ATP2C1: variants seen among roughly 807,000 people sequenced by gnomAD.
ATP2C1 encodes the protein ATPase secretory pathway Ca2+ transporting 1.
Under a neutral mutation model 120.5 loss-of-function variants are expected in ATP2C1, and 31 were observed. The ratio of observed to expected loss-of-function variants is 0.26; its 90% CI spans 0.19 to 0.35. The LOEUF (loss-of-function observed/expected upper bound fraction) is 0.35, where lower values mean the gene tolerates loss of function less well. Among genes scored for constraint, ATP2C1 ranks in the 10% least tolerant of loss-of-function variants. ATP2C1 has a pLI of 1.00. For missense variants in ATP2C1, 731 were observed against 1,107.5 expected, an observed-to-expected ratio of 0.66 and a Z score of 4.83; for synonymous variants, 351 against 358.7, an observed-to-expected ratio of 0.98 and a Z score of 0.24.
rs534911074 is a variant in ATP2C1, at chr3:130,879,988, T to C, written c.108+29060T>C. 7.2e-5 allele frequency among the ~76,000 whole-genome samples: 11 copies of C among 152,306 alleles called. No homozygotes were observed. The South Asian group carries it at 2.3e-3, about 32-fold the overall frequency. On this transcript the variant is annotated intron_variant, in intron 1 of 26. Coordinates refer to the ATP2C1 transcript ENST00000504381. ...TGGCAGAAGTGATAGTGAACCCTCA[T>C]GTGGTCTGGTCCTTTAACCCCTATT...
At chr3:130,962,665 T>C (rs2060871165) in intron 12 of ATP2C1, among the ~76,000 whole-genome samples, 1 of 148,598 alleles carries the variant, frequency 6.7e-6, no homozygotes, top group African/African-American at 2.5e-5. Context: ...AAAAGATTCG[T>C]TGTATCTAGA....
chr3:130,948,878 T>A (rs2060255901), intron 8 of ATP2C1, among the ~76,000 whole-genome samples: 1 of 152,162 alleles, frequency 6.6e-6, no homozygotes, highest in Non-Finnish European at 1.5e-5. Context: ...TCAGTGATCT[T>A]TGCTGTTACT....
intron 7 of ATP2C1, among the ~76,000 whole-genome samples, chr3:130,940,935 G>A (rs1281561873): frequency 1.2e-4 from 6 of 49,484 alleles, no homozygotes; most frequent in Admixed American, 2.2e-4. Context: ...TTTTTTTTTA[G>A]ATGGAGTCTG....
At chr3:130,961,126 T>C (rs1167733107) in intron 12 of ATP2C1, among the ~76,000 whole-genome samples, 2 of 151,952 alleles carry the variant, frequency 1.3e-5, no homozygotes, top group Non-Finnish European at 2.9e-5. Context: ...AAACTCTTGG[T>C]TTAAATTTGT....
chr3:130,964,096 G>C lies in ATP2C1; in HGVS notation c.1024+1G>C. The C allele has an allele frequency of 6.2e-7, 1 of 1,611,806 alleles. No individual in the cohort carries two copies. Among genetic ancestry groups the C allele is most frequent in the Non-Finnish European group, 8.5e-7 (1 of 1,178,262 alleles). Reference sequence around the variant, plus strand: ...AAGCTGCCTATTGTTGAAACTCTGGGTAAGTCTGTGTTAAGAGCATTCTTA... The same window carrying C: ...AAGCTGCCTATTGTTGAAACTCTGGCTAAGTCTGTGTTAAGAGCATTCTTA... On this transcript the variant is annotated splice_donor_variant, in intron 13 of 27. Coordinates refer to ENST00000510168, the MANE Select transcript of ATP2C1 (RefSeq NM_001378687.1). LOFTEE classifies it high-confidence loss of function.
rs530091784 is a variant in ATP2C1 at position 130,921,633 on chromosome 3, G to T, written c.7-8783G>T. ...TTATGTTACTTTCTTTTTATTCCTT[G>T]TTTGTAGAGAGTTTTTATAATGAAA... On this transcript the variant is annotated intron_variant, in intron 2 of 27. Transcript: ENST00000510168. 3.9e-5 allele frequency among the ~76,000 whole-genome samples: 6 copies of T among 152,110 alleles called. No individual in the cohort carries two copies. In the South Asian group the frequency reaches 1.0e-3, roughly 26 times the overall value.
At chr3:130,968,162 A>G (rs1187742856) in intron 16 of ATP2C1, among the ~76,000 whole-genome samples, 1 of 152,240 alleles carries the variant, frequency 6.6e-6, no homozygotes, top group Admixed American at 6.5e-5. Flanking sequence ...TAGTTTTAGA[A>G]TATATAGTTT....
intron 8 of ATP2C1, among the ~76,000 whole-genome samples, chr3:130,948,039 C>A (rs2060221153): frequency 6.6e-6 from 1 of 152,108 alleles, no homozygotes; most frequent in Non-Finnish European, 1.5e-5. Context: ...GATTTATAAG[C>A]ATTTTATGCA....
rs1487496066 is a variant in ATP2C1, at chr3:130,996,634, C to T, written c.2127-46C>T. 3.2e-6 allele frequency: 4 copies of T among 1,254,690 alleles called. No homozygotes were observed. The African/African-American group carries it at 4.4e-5, about 14-fold the overall frequency. The allele number at this position is 1,254,690 out of a possible 1,614,324, so 77.7% of individuals were successfully genotyped here. A position where few individuals can be genotyped will look rare whatever the true frequency, so the allele number is the denominator to read the frequency against. On this transcript the variant is annotated intron_variant, in intron 23 of 27. Coordinates refer to ENST00000510168, the MANE Select transcript of ATP2C1 (RefSeq NM_001378687.1). Reference sequence around the variant, plus strand: ...TAAAAAAGTGGTATCATAGAATCAACAGATTTACTCTACTGATATTTTTAA... The same window carrying T: ...TAAAAAAGTGGTATCATAGAATCAATAGATTTACTCTACTGATATTTTTAA...
chr3:130,891,841 T>C (rs780900567), upstream of ATP2C1, among the ~76,000 whole-genome samples: 47 of 152,190 alleles, frequency 3.1e-4, no homozygotes, highest in Non-Finnish European at 6.6e-4. Context: ...GTGTATGACA[T>C]ATATATGTAT....
At chr3:130,859,101 A>G (rs1033361657) in intron 1 of ATP2C1, among the ~76,000 whole-genome samples, 2 of 152,210 alleles carry the variant, frequency 1.3e-5, no homozygotes, top group African/African-American at 4.8e-5. Flanking sequence ...CAGCTCTGAT[A>G]TTCTAGTATA....
At chr3:130,859,749 T>C (rs746507227) in intron 1 of ATP2C1, among the ~76,000 whole-genome samples, 1 of 152,280 alleles carries the variant, frequency 6.6e-6, no homozygotes, top group Non-Finnish European at 1.5e-5. Context: ...TCATTTACTT[T>C]AAAATTTTTC....
intron 1 of ATP2C1, among the ~76,000 whole-genome samples, chr3:130,875,971 T>G (rs1043742962): frequency 7.2e-5 from 11 of 152,072 alleles, no homozygotes; most frequent in African/African-American, 2.7e-4. Flanking sequence ...TATTTGAGTT[T>G]TTTTTGGAGT....
At chr3:130,952,953 G>A (rs1482500998) in intron 8 of ATP2C1, among the ~76,000 whole-genome samples, 3 of 152,116 alleles carry the variant, frequency 2.0e-5, no homozygotes, top group Non-Finnish European at 4.4e-5. Context: ...CTGTATATCT[G>A]TATTCCTGTT....
At chr3:130,877,665 C>T (rs565737567) in intron 1 of ATP2C1, among the ~76,000 whole-genome samples, 37 of 152,030 alleles carry the variant, frequency 2.4e-4, no homozygotes, top group Admixed American at 1.2e-3. Flanking sequence ...TGTGGAGAAA[C>T]AGGAACACTT....
chr3:130,988,037 C>T (rs1205355080), intron 20 of ATP2C1, among the ~76,000 whole-genome samples: 2 of 152,178 alleles, frequency 1.3e-5, no homozygotes, highest in African/African-American at 4.8e-5. Context: ...GCATTACTTG[C>T]ATTTATATTT....
At chr3:130,899,124 AG>A (rs763637182) in intron 2 of ATP2C1, among the ~76,000 whole-genome samples, 11 of 152,268 alleles carry the variant, frequency 7.2e-5, no homozygotes, top group Middle Eastern at 3.4e-3. Context: ...CTCAAAAAAA[AG>A]GCTAAATTGA....
At chr3:130,882,350 C>T (rs1173036270) in intron 1 of ATP2C1, among the ~76,000 whole-genome samples, 1 of 152,012 alleles carries the variant, frequency 6.6e-6, no homozygotes, top group African/African-American at 2.4e-5. Flanking sequence ...CAGGCATGCA[C>T]CACCACACCT....
intron 2 of ATP2C1, among the ~76,000 whole-genome samples, chr3:130,927,382 C>T (rs1367211993): frequency 4.0e-5 from 6 of 151,790 alleles, no homozygotes; most frequent in African/African-American, 7.3e-5. Flanking sequence ...CTGTGACTAC[C>T]GGCGCCTGCC....
Sources: allele counts gnomAD v4.1 joint callset (sites outside exome capture counted in the v4.1 genomes callset), GRCh38; gene constraint gnomAD v4.1.1; transcripts MANE v1.5; gene names NCBI Gene and HGNC (gene_info 2026-07-23, HGNC 2026-07-21).